Variants in FGGY observed in about 807,000 individuals in gnomAD.
FGGY encodes the protein FGGY carbohydrate kinase domain containing, also known as FGGY carbohydrate kinase domain-containing protein.
A neutral mutation model predicts 71.3 loss-of-function variants in FGGY; 72 were observed. The observed-to-expected ratio is 1.01, with a 90% CI of 0.84 to 1.23. The LOEUF is 1.23. FGGY is among the 50% of genes most tolerant of loss of function. The pLI, the probability that FGGY is intolerant of heterozygous loss-of-function variation, is 0.00. For missense variants in FGGY, 668 were observed against 682.3 expected (o/e 0.98, Z 0.23); for synonymous variants, 251 against 250.3 (o/e 1.00, Z -0.02).
At chr1:59,417,225 G>A (rs2064624736) in intron 5 of FGGY, among the ~76,000 whole-genome samples, 1 of 151,922 alleles carries the variant, frequency 6.6e-6, no homozygotes, top group African/African-American at 2.4e-5. Context: ...AATTTTTTCA[G>A]GGTTCATCTA....
intron 5 of FGGY, among the ~76,000 whole-genome samples, chr1:59,397,742 A>G (rs947801251): frequency 2.0e-5 from 3 of 152,220 alleles, no homozygotes; most frequent in Non-Finnish European, 4.4e-5. Context: ...ACCCTGTATT[A>G]GTTTAAAAAA....
chr1:59,541,317 G>A (rs151054454), intron 7 of FGGY, among the ~76,000 whole-genome samples: 212 of 152,246 alleles, frequency 1.4e-3, no homozygotes, highest in African/African-American at 4.4e-3. Context: ...CCAGAATTTC[G>A]GCTATAGATT....
intron 4 of FGGY, among the ~76,000 whole-genome samples, chr1:59,368,479 C>T (rs946107167): frequency 1.3e-5 from 2 of 152,130 alleles, no homozygotes; most frequent in African/African-American, 2.4e-5. Context: ...GGTCTGACCC[C>T]CAGTTCCTTA....
At chr1:59,417,519 T>C (rs1295245822) in intron 5 of FGGY, among the ~76,000 whole-genome samples, 1 of 152,220 alleles carries the variant, frequency 6.6e-6, no homozygotes, top group Non-Finnish European at 1.5e-5. Flanking sequence ...TGAGGAAATG[T>C]CAAACTGTTT....
chr1:59,458,740 G>A (rs570198537), intron 6 of FGGY, among the ~76,000 whole-genome samples: 27 of 152,226 alleles, frequency 1.8e-4, no homozygotes, highest in East Asian at 9.6e-4. Flanking sequence ...ATTGCTGTAC[G>A]TGAATTAGAA....
chr1:59,447,701 G>A (rs542270259), intron 5 of FGGY, among the ~76,000 whole-genome samples: 27 of 152,222 alleles, frequency 1.8e-4, no homozygotes, highest in African/African-American at 5.8e-4. Flanking sequence ...CTTTCACTTG[G>A]TTCTCCTCCT....
chr1:59,449,657 T>C (rs746503667), intron 5 of FGGY, among the ~76,000 whole-genome samples: 1 of 152,120 alleles, frequency 6.6e-6, no homozygotes, highest in African/African-American at 2.4e-5. Flanking sequence ...TTTTGTTTGT[T>C]TTGTTTTGTT....
At chr1:59,386,345 A>G (rs1176000050) in intron 5 of FGGY, among the ~76,000 whole-genome samples, 4 of 152,244 alleles carry the variant, frequency 2.6e-5, no homozygotes, top group African/African-American at 9.6e-5. Context: ...ATGTCCCTCC[A>G]TTGAAATTTG....
At chr1:59,720,027 T>G (rs1333623254) in intron 14 of FGGY, among the ~76,000 whole-genome samples, 3 of 152,210 alleles carry the variant, frequency 2.0e-5, no homozygotes, top group African/African-American at 7.2e-5. Flanking sequence ...GTGGTGTGAT[T>G]TCCTCCTCAT....
intron 8 of FGGY, among the ~76,000 whole-genome samples, chr1:59,560,379 A>T (rs1464473646): frequency 6.9e-6 from 1 of 145,834 alleles, no homozygotes; most frequent in African/African-American, 2.8e-5. Context: ...GGTATCCTGG[A>T]TGGGATCCTG....
intron 6 of FGGY, among the ~76,000 whole-genome samples, chr1:59,458,211 G>C (rs1426864164): frequency 6.6e-6 from 1 of 152,054 alleles, no homozygotes; most frequent in Non-Finnish European, 1.5e-5. Context: ...ATATTCCCAT[G>C]GTATGTTGTT....
intron 6 of FGGY, among the ~76,000 whole-genome samples, chr1:59,509,294 G>A (rs976626956): frequency 1.3e-5 from 2 of 152,184 alleles, no homozygotes; most frequent in African/African-American, 4.8e-5. Flanking sequence ...TCTCAGTGAA[G>A]ATCCTTATAT....
At chr1:59,699,895 C>T (rs773228340) in intron 14 of FGGY, among the ~76,000 whole-genome samples, 4 of 152,108 alleles carry the variant, frequency 2.6e-5, no homozygotes, top group Non-Finnish European at 4.4e-5. Context: ...TTCTATTTGC[C>T]TTGTTCAATA....
chr1:59,568,250 C>G (rs1319691081), intron 8 of FGGY, among the ~76,000 whole-genome samples: 1 of 152,060 alleles, frequency 6.6e-6, no homozygotes, highest in Non-Finnish European at 1.5e-5. Context: ...ATTTGAAATG[C>G]TTTGGGTTGA....
At chr1:59,533,331 A>G (rs1246756611) in intron 7 of FGGY, among the ~76,000 whole-genome samples, 1 of 152,192 alleles carries the variant, frequency 6.6e-6, no homozygotes, top group Middle Eastern at 3.2e-3. Flanking sequence ...TATATCCCGC[A>G]CCTGGCTCGG....
intron 6 of FGGY, among the ~76,000 whole-genome samples, chr1:59,490,113 C>T (rs1335107222): frequency 6.6e-6 from 1 of 152,066 alleles, no homozygotes; most frequent in Admixed American, 6.6e-5. Context: ...TGCAGTGGCA[C>T]AGTCATAGCT....
chr1:59,744,023 G>T (rs1243198231), intron 14 of FGGY, among the ~76,000 whole-genome samples: 2 of 152,342 alleles, frequency 1.3e-5, no homozygotes, highest in African/African-American at 2.4e-5. Flanking sequence ...ACAAGATCCT[G>T]TGTAGCGCTG....
chr1:59,599,714 T>C (rs1240409443), intron 8 of FGGY, among the ~76,000 whole-genome samples: 3 of 142,374 alleles, frequency 2.1e-5, no homozygotes, highest in Non-Finnish European at 3.0e-5. Flanking sequence ...AAAAGGAATA[T>C]GTATAAGTTA....
chr1:59,373,231 T>C (rs1167048146), intron 4 of FGGY, among the ~76,000 whole-genome samples: 1 of 152,132 alleles, frequency 6.6e-6, no homozygotes, highest in Non-Finnish European at 1.5e-5. Flanking sequence ...ACAAAATCAA[T>C]GTACAAAAAT....
Sources: gnomAD v4.1 joint callset for allele counts (sites outside exome capture counted in the v4.1 genomes callset) on GRCh38, gnomAD v4.1.1 for gene constraint, MANE v1.5 for transcripts, NCBI Gene and HGNC (gene_info 2026-07-23, HGNC 2026-07-21) for gene names.